The following GNG7 variants were observed in gnomAD, a reference collection of about 807,000 sequenced individuals.
GNG7 encodes the protein guanine nucleotide-binding protein G(I)/G(S)/G(O) subunit gamma-7.
A neutral mutation model predicts 4.0 loss-of-function variants in GNG7; 1 was observed. That is an observed-to-expected ratio of 0.25 (90% CI 0.09 to 1.18). The LOEUF (loss-of-function observed/expected upper bound fraction) is 1.18. GNG7 is among the 50% of genes most tolerant of loss of function. The probability of loss-of-function intolerance (pLI) is 0.50; values close to 1 mark genes in which losing one functional copy is unlikely to be tolerated. For missense variants in GNG7, 86 were observed against 91.9 expected (o/e 0.94, Z 0.26); for synonymous variants, 34 against 36.9 (o/e 0.92, Z 0.29).
At chr19:2,672,740 C>G (rs1390038140) in intron 1 of GNG7, among the ~76,000 whole-genome samples, 1 of 152,128 alleles carries the variant, frequency 6.6e-6, no homozygotes, top group African/African-American at 2.4e-5. Flanking sequence ...GCCACCGCGC[C>G]TGGTCTGTGA....
rs1176135635 is a variant in GNG7, at chr19:2,620,226, AGAGGGGAGGGGAGGG to A, written c.-78+25983_-78+25997del. ...TCTCAAAAACAGAAAAGAAAAGAGG[AGAGGGGAGGGGAGGG>A]GAGGGGAGGGGAGGGGAGGGGAGAG... On this transcript the variant is annotated intron_variant, in intron 2 of 4. Transcript: ENST00000382159. Among the ~76,000 whole-genome samples the A allele has an allele frequency of 3.0e-4, 17 of 56,532 alleles. No homozygotes were observed. The East Asian group carries it at 3.7e-3, about 12-fold the overall frequency. 37.1% of individuals were successfully genotyped at this position (56,532 alleles called of 152,430 possible).
At chr19:2,577,251 C>T (rs1980369540) in intron 2 of GNG7, among the ~76,000 whole-genome samples, 1 of 152,156 alleles carries the variant, frequency 6.6e-6, no homozygotes, top group African/African-American at 2.4e-5. Context: ...TTCAGGGTAC[C>T]CCCAGGGCTG....
chr19:2,547,484 C>T lies in GNG7; in HGVS notation c.-38+7665G>A, dbSNP rs150249773. 1.0e-3 allele frequency among the ~76,000 whole-genome samples: 155 copies of T among 152,222 alleles called. 5 individuals are homozygous for T. The East Asian group carries it at 0.028, about 28-fold the overall frequency. ...TGACTCTCACCCTCCTGCCTCCTCTCGTGAGGATCCTGTGAGGTCACTGCG... is the reference window on the plus strand; with the variant it reads ...TGACTCTCACCCTCCTGCCTCCTCTTGTGAGGATCCTGTGAGGTCACTGCG... On this transcript the variant is annotated intron_variant, in intron 3 of 4. Transcript: ENST00000382159.
At chr19:2,661,302 G>GAAAGAAAGAGAAAGAA in intron 1 of GNG7, among the ~76,000 whole-genome samples, 1 of 73,122 alleles carries the variant, frequency 1.4e-5, no homozygotes, top group East Asian at 4.2e-4. Flanking sequence ...AAGAAAGAAA[G>GAAAGAAAGAGAAAGAA]AGAAAGAAAG....
chr19:2,692,965 A>C (rs1431801763), intron 1 of GNG7, among the ~76,000 whole-genome samples: 1 of 151,516 alleles, frequency 6.6e-6, no homozygotes. Flanking sequence ...CAGCCTGGGT[A>C]ACGGAGTAAG....
Position 2,651,883 on chromosome 19 carries a change from A to C in GNG7, c.-134-5603T>G, listed in dbSNP as rs573247968. ...GCCTGACCAATTTCTTTCTTTAAAA[A>C]ATTAAAATAGGCCGGGTGCAGTGGC... is the stretch of plus-strand genomic sequence containing the variant. On this transcript the variant is annotated intron_variant, in intron 1 of 4. Transcript: ENST00000382159. Among the ~76,000 whole-genome samples the C allele has an allele frequency of 2.6e-5, 4 of 151,992 alleles. No individual in the cohort carries two copies. The South Asian group carries it at 8.3e-4, about 32-fold the overall frequency.
chr19:2,542,350 A>T (rs1978991236), intron 3 of GNG7, among the ~76,000 whole-genome samples: 1 of 151,796 alleles, frequency 6.6e-6, no homozygotes, highest in South Asian at 2.1e-4. Context: ...TCCTGGCCTC[A>T]AGCAATCCAC....
At position 2,551,416 on chromosome 19, in the gene GNG7, G is replaced by A. The variant is rs919859766; in HGVS notation, c.-38+3733C>T. Among the ~76,000 whole-genome samples the A allele has an allele frequency of 1.5e-4, 23 of 152,112 alleles. 1 individual carries two copies. Among genetic ancestry groups the A allele is most frequent in the Admixed American group, 1.4e-3 (21 of 15,240 alleles). On this transcript the variant is annotated intron_variant, in intron 3 of 4. Coordinates refer to ENST00000382159, the MANE Select transcript of GNG7 (RefSeq NM_052847.3). ...TGAGTGTCATTTGTGTGGGGGCCGG[G>A]ACTAGGGTGAGGCCATGCGGCACTC...
At chr19:2,606,297 A>G (rs999941837) in intron 2 of GNG7, among the ~76,000 whole-genome samples, 11 of 152,060 alleles carry the variant, frequency 7.2e-5, no homozygotes, top group African/African-American at 2.4e-4. Flanking sequence ...ACTTGAGCCC[A>G]GGAGTTGGAG....
At chr19:2,584,314 C>T (rs556068662) in intron 2 of GNG7, among the ~76,000 whole-genome samples, 3 of 142,522 alleles carry the variant, frequency 2.1e-5, no homozygotes, top group Admixed American at 7.2e-5. Context: ...AGCGATGGCA[C>T]GTGACTGTAG....
At chr19:2,553,383 C>T (rs1979398356) in intron 3 of GNG7, among the ~76,000 whole-genome samples, 1 of 127,746 alleles carries the variant, frequency 7.8e-6, no homozygotes, top group East Asian at 2.3e-4. Context: ...TGGTGCTGAG[C>T]ATATATATAT....
intron 1 of GNG7, among the ~76,000 whole-genome samples, chr19:2,665,280 G>A (rs1983277558): frequency 1.3e-5 from 2 of 151,668 alleles, no homozygotes; most frequent in African/African-American, 2.4e-5. Context: ...AGCGGCATCC[G>A]TGACCTCCAG....
At chr19:2,702,294 T>C (rs1568289574) in intron 1 of GNG7, among the ~76,000 whole-genome samples, 1 of 138,128 alleles carries the variant, frequency 7.2e-6, no homozygotes. Context: ...GGAGTCCCAA[T>C]GCCCAGACCC....
At chr19:2,613,293 G>C (rs1568262978) in intron 2 of GNG7, among the ~76,000 whole-genome samples, 1 of 152,184 alleles carries the variant, frequency 6.6e-6, no homozygotes, top group Non-Finnish European at 1.5e-5. Flanking sequence ...ACATAGGGGG[G>C]CTTTGGGCTC....
intron 3 of GNG7, among the ~76,000 whole-genome samples, chr19:2,521,443 TG>T (rs973323511): frequency 5.3e-5 from 8 of 151,862 alleles, no homozygotes; most frequent in African/African-American, 1.9e-4. Flanking sequence ...GGGGTGCTCC[TG>T]GCATGGAGTG....
intron 4 of GNG7, among the ~76,000 whole-genome samples, chr19:2,519,146 C>CTTTTTTTTTTTTTT (rs71178282): frequency 1.2e-5 from 1 of 84,540 alleles, no homozygotes; most frequent in Non-Finnish European, 2.2e-5. Flanking sequence ...TTTCTTGTTT[C>CTTTTTTTTTTTTTT]TTTTTTTTTT....
intron 2 of GNG7, among the ~76,000 whole-genome samples, chr19:2,578,941 G>A (rs954635355): frequency 1.3e-5 from 2 of 152,236 alleles, no homozygotes; most frequent in Non-Finnish European, 2.9e-5. Flanking sequence ...GACTGACCCC[G>A]GCATGGAAAA....
chr19:2,602,281 G>A (rs1421810867), intron 2 of GNG7, among the ~76,000 whole-genome samples: 2 of 152,228 alleles, frequency 1.3e-5, no homozygotes, highest in Non-Finnish European at 2.9e-5. Context: ...AGGTTGCAGT[G>A]AGCTGAGATC....
intron 1 of GNG7, among the ~76,000 whole-genome samples, chr19:2,665,756 C>T (rs1467390817): frequency 2.6e-5 from 4 of 152,198 alleles, no homozygotes; most frequent in Non-Finnish European, 5.9e-5. Context: ...TTGGAGATTA[C>T]ATAAATGAGT....
Sources: allele counts gnomAD v4.1 joint callset (sites outside exome capture counted in the v4.1 genomes callset), GRCh38; gene constraint gnomAD v4.1.1; transcripts MANE v1.5; gene names NCBI Gene and HGNC (gene_info 2026-07-23, HGNC 2026-07-21).